Variants in FAM114A2 observed in about 807,000 individuals in gnomAD.
The protein encoded by FAM114A2 is protein FAM114A2.
Under a neutral mutation model 58.4 loss-of-function variants are expected in FAM114A2, and 53 were observed. The ratio of observed to expected loss-of-function variants is 0.91; its 90% CI spans 0.73 to 1.14. The LOEUF (loss-of-function observed/expected upper bound fraction) is 1.14, where lower values mean the gene tolerates loss of function less well. Among genes scored for constraint, FAM114A2 ranks in the 50% most tolerant of loss-of-function variants. The pLI, the probability that FAM114A2 is intolerant of heterozygous loss-of-function variation, is 0.00. For synonymous variants in FAM114A2, 228 were observed against 211.4 expected, an observed-to-expected ratio of 1.08 and a Z score of -0.68; for missense variants, 601 against 581.1, an observed-to-expected ratio of 1.03 and a Z score of -0.35.
At position 154,023,165 on chromosome 5, in the gene FAM114A2, T is replaced by C. The variant is rs990106498; in HGVS notation, c.913+3234A>G. 7.2e-5 allele frequency among the ~76,000 whole-genome samples: 11 copies of C among 152,042 alleles called. No homozygotes were observed. The South Asian group carries it at 8.3e-4, about 11-fold the overall frequency. On this transcript the variant is annotated intron_variant, in intron 8 of 13. Transcript: ENST00000351797. ...GTCAGGGGATGGGGGAGGGATAGCA[T>C]TGGGAGAAGTGCCTAACATAAATGA...
intron 5 of FAM114A2, among the ~76,000 whole-genome samples, chr5:154,028,983 G>C (rs571278331): frequency 6.6e-6 from 1 of 152,162 alleles, no homozygotes; most frequent in African/African-American, 2.4e-5. Context: ...ACATTCTTCT[G>C]TATGTATATT....
Position 154,002,303 on chromosome 5 carries a change from G to A in FAM114A2, c.1204C>T (p.His402Tyr). The A allele has an allele frequency of 2.5e-6, 4 of 1,613,936 alleles. No homozygotes were observed. Among genetic ancestry groups the A allele is most frequent in the Non-Finnish European group, 2.5e-6 (3 of 1,179,820 alleles). The change falls in exon 11 of 14, where the codon CAT (histidine) becomes TAT (tyrosine). Residue 402 changes from histidine to tyrosine, a missense_variant. Transcript: ENST00000351797. ...GCTGTCACTTCCTGCTTCCTGCCATGCAGAACCAATGCAGCTGTTTTGTGG... is the reference window on the plus strand; with the variant it reads ...GCTGTCACTTCCTGCTTCCTGCCATACAGAACCAATGCAGCTGTTTTGTGG... ...LFHKTAALVLHGRKQEVTAIE... is the reference protein window; with the variant it reads ...LFHKTAALVLYGRKQEVTAIE...
intron 13 of FAM114A2, among the ~76,000 whole-genome samples, chr5:153,993,629 GAAC>G (rs1769378360): frequency 6.6e-6 from 1 of 152,012 alleles, no homozygotes. Context: ...TTTCTATCTT[GAAC>G]AACATTTTTC....
intron 8 of FAM114A2, among the ~76,000 whole-genome samples, chr5:154,024,624 T>C (rs1771659910): frequency 6.6e-6 from 1 of 152,192 alleles, no homozygotes; most frequent in African/African-American, 2.4e-5. Context: ...ATTATTAATA[T>C]TCTTTAATAC....
chr5:154,028,114 G>C (rs751132745), intron 6 of FAM114A2, 35 bp downstream of exon 6: 3 of 1,555,418 alleles, frequency 1.9e-6, no homozygotes, highest in South Asian at 1.2e-5. Context: ...GATCAAAACA[G>C]AAACAGGAAG....
At position 153,991,852 on chromosome 5, in the gene FAM114A2, G is replaced by C. The variant is rs1300546264; in HGVS notation, c.*1124C>G. 6.6e-6 allele frequency: 1 copy of C among 152,086 alleles called. No homozygotes were observed. The highest frequency in any genetic ancestry group is 1.5e-5 in the Non-Finnish European group (1 of 68,010). 9.4% of individuals were successfully genotyped at this position (152,086 alleles called of 1,614,324 possible). On this transcript the variant is annotated 3_prime_UTR_variant, in exon 14 of 14. Coordinates refer to ENST00000351797, the MANE Select transcript of FAM114A2 (RefSeq NM_018691.4). Reference sequence around the variant, plus strand: ...ACCTTAATCATTAAAAAACCACAAAGTTGGAGAATTTTTTTAAAAAGAGTG... The same window carrying C: ...ACCTTAATCATTAAAAAACCACAAACTTGGAGAATTTTTTTAAAAAGAGTG...
intron 8 of FAM114A2, among the ~76,000 whole-genome samples, chr5:154,023,647 T>C (rs536288405): frequency 4.8e-4 from 73 of 152,154 alleles, no homozygotes; most frequent in African/African-American, 1.7e-3. Flanking sequence ...GGGAGTGTGG[T>C]GTATACTGCT....
chr5:153,994,722 T>C, intron 13 of FAM114A2, 197 bp downstream of exon 13: 1 of 529,410 alleles, frequency 1.9e-6, no homozygotes, highest in Non-Finnish European at 3.4e-6. Context: ...TCCAGTACCC[T>C]GCAGCTTCAA....
chr5:154,037,884 T>C (rs757898934), intron 1 of FAM114A2, among the ~76,000 whole-genome samples: 23 of 152,180 alleles, frequency 1.5e-4, no homozygotes, highest in Non-Finnish European at 2.6e-4. Flanking sequence ...TATTAAACAC[T>C]GGTTATCTCT....
chr5:153,998,991 C>T (rs148159465), intron 11 of FAM114A2, among the ~76,000 whole-genome samples: 157 of 152,214 alleles, frequency 1.0e-3, no homozygotes, highest in African/African-American at 3.2e-3. Flanking sequence ...ATTTTCTATC[C>T]GTAAAACTGT....
chr5:154,019,257 G>A (rs1771243121), intron 8 of FAM114A2, among the ~76,000 whole-genome samples: 1 of 152,048 alleles, frequency 6.6e-6, no homozygotes, highest in African/African-American at 2.4e-5. Flanking sequence ...ACCAAGCAGA[G>A]AATCAAATCA....
At chr5:153,996,143 A>C (rs1319826566) in intron 12 of FAM114A2, among the ~76,000 whole-genome samples, 2 of 152,212 alleles carry the variant, frequency 1.3e-5, no homozygotes, top group East Asian at 3.8e-4. Flanking sequence ...TCTTGATTCC[A>C]AACCTACTAC....
intron 9 of FAM114A2, among the ~76,000 whole-genome samples, chr5:154,004,859 C>T (rs975185110): frequency 1.3e-5 from 2 of 152,154 alleles, no homozygotes; most frequent in African/African-American, 2.4e-5. Context: ...CCAGGGCTGA[C>T]CATTCCTCTT....
intron 7 of FAM114A2, 24 bp from the exon 8 acceptor site, chr5:154,026,546 G>C: frequency 1.4e-6 from 2 of 1,422,506 alleles, no homozygotes; most frequent in Non-Finnish European, 1.9e-6. Context: ...AGAACAAAAT[G>C]TTGTAGGAGT....
At chr5:153,994,782 A>G in intron 13 of FAM114A2, 137 bp downstream of exon 13, 2 of 615,322 alleles carry the variant, frequency 3.3e-6, no homozygotes, top group East Asian at 5.5e-5. Flanking sequence ...AATATACACT[A>G]TTTCTGTCAT....
intron 8 of FAM114A2, among the ~76,000 whole-genome samples, chr5:154,015,486 G>A (rs889758478): frequency 1.3e-5 from 2 of 152,192 alleles, no homozygotes; most frequent in African/African-American, 2.4e-5. Flanking sequence ...TGGAGCCTGG[G>A]AGACTTGCTG....
At chr5:154,007,101 T>C (rs1770403414) in intron 9 of FAM114A2, among the ~76,000 whole-genome samples, 1 of 152,150 alleles carries the variant, frequency 6.6e-6, no homozygotes. Context: ...GGCCAGGAGA[T>C]ATTTTAGTAG....
chr5:154,007,949 C>G (rs897772234), intron 9 of FAM114A2, among the ~76,000 whole-genome samples: 4 of 152,096 alleles, frequency 2.6e-5, no homozygotes, highest in Non-Finnish European at 2.9e-5. Context: ...AAAGGTCACA[C>G]AGAAAGTAAT....
chr5:154,027,147 T>C (rs892392940), intron 7 of FAM114A2, 29 bp downstream of exon 7: 3 of 1,579,552 alleles, frequency 1.9e-6, no homozygotes, highest in African/African-American at 2.7e-5. Context: ...TGAAGACTTT[T>C]TCCAGTTGAG....
Sources: gnomAD v4.1 joint callset for allele counts (sites outside exome capture counted in the v4.1 genomes callset) on GRCh38, gnomAD v4.1.1 for gene constraint, MANE v1.5 for transcripts, NCBI Gene and HGNC (gene_info 2026-07-23, HGNC 2026-07-21) for gene names.